Variants in MAPK14 observed in about 807,000 individuals in gnomAD.
MAPK14 encodes the protein mitogen-activated protein kinase 14.
Under a neutral mutation model 49.6 loss-of-function variants are expected in MAPK14, and 16 were observed. The observed-to-expected ratio is 0.32, with a 90% CI of 0.22 to 0.49. The LOEUF is 0.49. Among genes scored for constraint, MAPK14 ranks in the 20% least tolerant of loss-of-function variants. The probability of loss-of-function intolerance (pLI) is 0.99; values close to 1 mark genes in which losing one functional copy is unlikely to be tolerated. For missense variants in MAPK14, 200 were observed against 441.2 expected, an observed-to-expected ratio of 0.45 and a Z score of 4.90; for synonymous variants, 142 against 158.0, an observed-to-expected ratio of 0.90 and a Z score of 0.76.
At chr6:36,086,607 C>T (rs915224075) in intron 8 of MAPK14, among the ~76,000 whole-genome samples, 8 of 151,970 alleles carry the variant, frequency 5.3e-5, no homozygotes, top group African/African-American at 9.7e-5. Flanking sequence ...ACCAGGAAAA[C>T]GTTGAATCTA....
downstream of MAPK14, among the ~76,000 whole-genome samples, chr6:36,115,927 C>CAAAAGAAA (rs1766052992): frequency 9.4e-6 from 1 of 106,354 alleles, no homozygotes; most frequent in Non-Finnish European, 1.9e-5. Flanking sequence ...GACTCCGTCT[C>CAAAAGAAA]AAAAAAAAAA....
In MAPK14 at chr6:36,074,875, A is replaced by G. The variant is rs558245645; in HGVS notation, c.495+779A>G. The stretch of plus-strand genomic sequence containing the variant: ...GTGATCCACCTGCCTCGGCCTCTCA[A>G]AGTGCTGGGATTGCAGGTGTGAGCC... On this transcript the variant is annotated intron_variant, in intron 6 of 11. Coordinates refer to ENST00000229794, the MANE Select transcript of MAPK14 (RefSeq NM_139012.3). Among the ~76,000 whole-genome samples the G allele has an allele frequency of 1.9e-3, 284 of 151,940 alleles. 1 individual carries two copies. The highest frequency in any genetic ancestry group is 6.4e-3 in the African/African-American group (264 of 41,502).
chr6:36,123,289 C>T, the MAPK14 span, among the ~76,000 whole-genome samples: 2 of 152,136 alleles, frequency 1.3e-5, no homozygotes, highest in Non-Finnish European at 2.9e-5. Flanking sequence ...AGGTTGTACA[C>T]TCTGGTTCTT....
At chr6:36,114,940 C>T (rs368973964), downstream of MAPK14, among the ~76,000 whole-genome samples, 15 of 152,244 alleles carry the variant, frequency 9.9e-5, no homozygotes, top group African/African-American at 2.2e-4. Flanking sequence ...CTGCATCTCA[C>T]GAGTTGACAG....
chr6:36,107,174 C>A lies in MAPK14; in HGVS notation c.842-281C>A. 6.6e-6 allele frequency among the ~76,000 whole-genome samples: 1 copy of A among 152,074 alleles called. No individual in the cohort carries two copies. Among genetic ancestry groups the A allele is most frequent in the Non-Finnish European group, 1.5e-5 (1 of 68,002 alleles). On this transcript the variant is annotated intron_variant, in intron 10 of 11. Transcript: ENST00000229794. This position sits in a 1 kb window ranked among gnomAD's most constrained non-coding sequence, Gnocchi z 4.3. ...AATGGGCACGCTAGAAGCCCAGTCC[C>A]CATCAGTCCGTGGTGAGACCCATGT...
intron 5 of MAPK14, 131 bp from the exon 6 acceptor site, chr6:36,073,918 C>A: frequency 1.1e-6 from 1 of 872,498 alleles, no homozygotes; most frequent in Non-Finnish European, 1.9e-6. Context: ...TGGATATTGA[C>A]TGTAGGATGG....
At chr6:36,047,153 C>T (rs1763210603) in intron 1 of MAPK14, among the ~76,000 whole-genome samples, 2 of 152,162 alleles carry the variant, frequency 1.3e-5, no homozygotes, top group African/African-American at 4.8e-5. Flanking sequence ...AAGAAGAGAA[C>T]CACCACCCTC....
At chr6:36,116,546 G>C in the MAPK14 span, among the ~76,000 whole-genome samples, 3 of 152,130 alleles carry the variant, frequency 2.0e-5, no homozygotes, top group Non-Finnish European at 4.4e-5. Context: ...TTTGTAATGT[G>C]AAGCAATTCT....
intron 6 of MAPK14, 69 bp downstream of exon 6, chr6:36,074,165 C>G: frequency 8.3e-7 from 1 of 1,200,272 alleles, no homozygotes; most frequent in Non-Finnish European, 1.2e-6. Context: ...AGCAGGCAGA[C>G]TTTCTTAGGG....
At chr6:36,054,526 CTAACAGTTGGTGGTCACCTAGA>C (rs1763519378) in intron 2 of MAPK14, among the ~76,000 whole-genome samples, 1 of 152,040 alleles carries the variant, frequency 6.6e-6, no homozygotes, top group Admixed American at 6.5e-5. Context: ...TGTTTAAGTT[CTAACAGTTGGTGGTCACCTAGA>C]TATCAGTGAT....
chr6:36,118,139 C>G, the MAPK14 span, among the ~76,000 whole-genome samples: 5 of 152,250 alleles, frequency 3.3e-5, no homozygotes, highest in African/African-American at 1.2e-4. Context: ...AGAACAAGAA[C>G]CAAAAGATTA....
At chr6:36,037,057 A>T (rs1482471597) in intron 1 of MAPK14, among the ~76,000 whole-genome samples, 1 of 152,154 alleles carries the variant, frequency 6.6e-6, no homozygotes. Context: ...AATATTTTTA[A>T]ATTAAGGTAT....
chr6:36,032,691 G>C (rs1029868717), intron 1 of MAPK14, among the ~76,000 whole-genome samples: 1 of 152,204 alleles, frequency 6.6e-6, no homozygotes, highest in Non-Finnish European at 1.5e-5. Context: ...TCTGGAAATA[G>C]AGTGCTAAAC....
chr6:36,045,672 G>T (rs1763145610), intron 1 of MAPK14, among the ~76,000 whole-genome samples: 1 of 152,032 alleles, frequency 6.6e-6, no homozygotes, highest in South Asian at 2.1e-4. Flanking sequence ...AGCTGGGTGT[G>T]GTGGCATGCA....
At chr6:36,091,842 T>A (rs2127463036) in intron 8 of MAPK14, 1 of 185,350 alleles carries the variant, frequency 5.4e-6, no homozygotes, top group East Asian at 1.7e-4. Flanking sequence ...ATCTTTTCTT[T>A]TCTTTTTTTT....
downstream of MAPK14, among the ~76,000 whole-genome samples, chr6:36,113,912 C>T (rs187864615): frequency 5.9e-5 from 9 of 152,312 alleles, no homozygotes; most frequent in East Asian, 1.5e-3. Context: ...CAAGCAAAGC[C>T]GCACCAGTAC....
chr6:36,072,510 T>C (rs1321069075), intron 3 of MAPK14, among the ~76,000 whole-genome samples: 1 of 151,984 alleles, frequency 6.6e-6, no homozygotes, highest in Non-Finnish European at 1.5e-5. Flanking sequence ...CTCACGCTTG[T>C]AATCCCAGCA....
intron 1 of MAPK14, among the ~76,000 whole-genome samples, chr6:36,052,270 A>G (rs944426015): frequency 2.0e-5 from 3 of 152,036 alleles, no homozygotes; most frequent in Non-Finnish European, 4.4e-5. Context: ...ACAGAATTCA[A>G]CTCTGTTTAT....
intron 3 of MAPK14, among the ~76,000 whole-genome samples, chr6:36,064,522 C>G (rs1437874936): frequency 6.6e-6 from 1 of 152,128 alleles, no homozygotes; most frequent in Non-Finnish European, 1.5e-5. Context: ...TTGGATTCTA[C>G]CATGATAGAA....
Sources: gnomAD v4.1 joint callset for allele counts (sites outside exome capture counted in the v4.1 genomes callset) on GRCh38, gnomAD v4.1.1 for gene constraint, Gnocchi (gnomAD v3.1) non-coding constraint, MANE v1.5 for transcripts, NCBI Gene and HGNC (gene_info 2026-07-23, HGNC 2026-07-21) for gene names.